DCAF1: variants seen among roughly 807,000 people sequenced by gnomAD.
The protein encoded by DCAF1 is DDB1 and CUL4 associated factor 1.
A neutral mutation model predicts 128.0 loss-of-function variants in DCAF1; 15 were observed. That is an observed-to-expected ratio of 0.12 (90% CI 0.08 to 0.18). The LOEUF (loss-of-function observed/expected upper bound fraction) is 0.18. DCAF1 is among the 10% of genes least tolerant of loss of function. The pLI, the probability that DCAF1 is intolerant of heterozygous loss-of-function variation, is 1.00. For missense variants in DCAF1, 988 were observed against 1,649.5 expected, an observed-to-expected ratio of 0.60 and a Z score of 6.95; for synonymous variants, 610 against 603.0, an observed-to-expected ratio of 1.01 and a Z score of -0.17.
At chr3:51,443,732 T>G in intron 7 of DCAF1, 34 bp downstream of exon 7, 1 of 1,560,762 alleles carries the variant, frequency 6.4e-7, no homozygotes, top group African/African-American at 1.4e-5. Flanking sequence ...ACTCTCCCAT[T>G]TTATATAAAA....
Position 51,455,815 on chromosome 3 carries a change from G to A in DCAF1, c.375+7299C>T, listed in dbSNP as rs897839060. On this transcript the variant is annotated intron_variant, in intron 6 of 24. Coordinates refer to ENST00000684031, the MANE Select transcript of DCAF1 (RefSeq NM_001387579.1). ...GGGAGGCTGAGGCAAAAGAATCACT[G>A]GAACCTGGGAGGCGGAAGTTGCAGT... Among the ~76,000 whole-genome samples, 5 of 152,004 alleles carry A rather than the reference G, an allele frequency of 3.3e-5. No individual in the cohort carries two copies. In the South Asian group the frequency reaches 8.3e-4, roughly 25 times the overall value.
At chr3:51,403,874 G>A (rs2089917047) in intron 23 of DCAF1, among the ~76,000 whole-genome samples, 1 of 152,184 alleles carries the variant, frequency 6.6e-6, no homozygotes, top group Non-Finnish European at 1.5e-5. Flanking sequence ...CAAGAATGTG[G>A]ATAAGCTCCT....
At chr3:51,479,818 A>G (rs1705939284) in intron 3 of DCAF1, among the ~76,000 whole-genome samples, 2 of 152,102 alleles carry the variant, frequency 1.3e-5, no homozygotes, top group African/African-American at 4.8e-5. Context: ...AAAATAAAAT[A>G]AAATTATAGT....
Position 51,429,477 on chromosome 3 carries a change from A to G in DCAF1, c.1468-7T>C, listed in dbSNP as rs782277490. Reference sequence around the variant, plus strand: ...GAATCTCCAAAGTACTGATCTATTAAGATGCAAAATATTGGGGCAAAAGAG... The same window carrying G: ...GAATCTCCAAAGTACTGATCTATTAGGATGCAAAATATTGGGGCAAAAGAG... On this transcript the variant is annotated splice_region_variant and splice_polypyrimidine_tract_variant and intron_variant, in intron 11 of 24. Transcript: ENST00000684031. 1.4e-5 allele frequency: 11 copies of G among 779,794 alleles called. No homozygotes were observed. Among genetic ancestry groups the G allele is most frequent in the Non-Finnish European group, 7.2e-6 (3 of 417,094 alleles). The allele number at this position is 779,794 out of a possible 1,614,324, so 48.3% of individuals were successfully genotyped here.
intron 18 of DCAF1, 121 bp from the exon 19 acceptor site, chr3:51,414,978 A>G: frequency 7.1e-7 from 1 of 1,399,328 alleles, no homozygotes; most frequent in Middle Eastern, 2.1e-4. Flanking sequence ...TGGATCAATG[A>G]TTACCACAGA....
chr3:51,496,807 G>A (rs995724787), intron 1 of DCAF1, among the ~76,000 whole-genome samples, 27 bp from the exon 2 acceptor site: 2 of 152,016 alleles, frequency 1.3e-5, no homozygotes, highest in African/African-American at 4.8e-5. Flanking sequence ...GTTGTTGTGC[G>A]GGGTTAAATG....
At chr3:51,482,099 G>A (rs1236366174) in intron 3 of DCAF1, among the ~76,000 whole-genome samples, 2 of 152,054 alleles carry the variant, frequency 1.3e-5, no homozygotes, top group African/African-American at 2.4e-5. Context: ...GAGACACACA[G>A]AAATGAGGAT....
At chr3:51,491,641 G>A (rs183763325) in intron 2 of DCAF1, among the ~76,000 whole-genome samples, 289 of 152,284 alleles carry the variant, frequency 1.9e-3, no homozygotes, top group Admixed American at 8.8e-3. Context: ...TTGAGCAGGA[G>A]TTCGAGACCA....
intron 23 of DCAF1, among the ~76,000 whole-genome samples, chr3:51,404,466 T>C (rs1158335980): frequency 6.6e-6 from 1 of 152,242 alleles, no homozygotes; most frequent in African/African-American, 2.4e-5. Context: ...GAAGGTGTTA[T>C]TGCCTGCCAA....
rs1700008496 is a variant in DCAF1 at position 51,427,546 on chromosome 3, A to T, written c.1678-5T>A. On this transcript the variant is annotated splice_region_variant and splice_polypyrimidine_tract_variant and intron_variant, in intron 12 of 24. Transcript: ENST00000684031. ...TTCATGAGTATATGAGCATGCCTAT[A>T]AGGAGAGATATATAGTATTATTATT... 3 of 696,790 alleles carry T rather than the reference A, an allele frequency of 4.3e-6. No individual in the cohort carries two copies. The highest frequency in any genetic ancestry group is 7.9e-6 in the Non-Finnish European group (3 of 378,104). The allele number at this position is 696,790 out of a possible 1,614,324, so 43.2% of individuals were successfully genotyped here. A position where few individuals can be genotyped will look rare whatever the true frequency, so the allele number is the denominator to read the frequency against.
At chr3:51,503,883 C>T (rs1363711009), upstream of DCAF1, among the ~76,000 whole-genome samples, 3 of 152,126 alleles carry the variant, frequency 2.0e-5, no homozygotes, top group African/African-American at 7.2e-5. Flanking sequence ...GATCAGTGGG[C>T]ACAGATAAAG....
chr3:51,441,889 T>G lies in DCAF1; in HGVS notation c.522A>C (p.Ile174=). 2 of 1,600,696 alleles carry G rather than the reference T, an allele frequency of 1.2e-6. No individual in the cohort carries two copies. The highest frequency in any genetic ancestry group is 1.7e-6 in the Non-Finnish European group (2 of 1,177,520). The part of the protein sequence containing the change: ...YRDENSQLVA[I]VLRRLRELQL... ...GTAGCTCCCTCAGTCTTCGAAGCAC[T>G]ATTGCCACCTATCAACAGATAATTG... Residue 174 remains isoleucine (I), a synonymous_variant, in exon 8 of 25, where the codon ATA becomes ATC. Coordinates refer to ENST00000684031, the MANE Select transcript of DCAF1 (RefSeq NM_001387579.1).
At chr3:51,433,845 C>T (rs1282763035) in intron 9 of DCAF1, among the ~76,000 whole-genome samples, 2 of 150,626 alleles carry the variant, frequency 1.3e-5, no homozygotes, top group Non-Finnish European at 3.0e-5. Flanking sequence ...CTTTGGGAGG[C>T]CAAGGTAGGC....
intron 3 of DCAF1, among the ~76,000 whole-genome samples, chr3:51,483,375 G>A (rs1553653759): frequency 2.0e-5 from 3 of 151,224 alleles, no homozygotes; most frequent in Non-Finnish European, 4.4e-5. Context: ...AGGAGACGGA[G>A]GTTGCAGTGA....
At chr3:51,489,176 G>C (rs1263666577) in intron 2 of DCAF1, among the ~76,000 whole-genome samples, 1 of 152,254 alleles carries the variant, frequency 6.6e-6, no homozygotes, top group African/African-American at 2.4e-5. Flanking sequence ...GCTCACACCT[G>C]TAATCCCGGC....
In DCAF1 at chr3:51,437,266, C is replaced by CAAAA. The variant is rs71633071; in HGVS notation, c.1128+3700_1128+3703dup. The CAAAA allele has an allele frequency of 3.9e-3, 984 of 254,810 alleles. 2 individuals are homozygous for CAAAA. Among genetic ancestry groups the CAAAA allele is most frequent in the African/African-American group, 6.1e-3 (128 of 20,832 alleles). The allele number at this position is 254,810 out of a possible 1,614,324, so 15.8% of individuals were successfully genotyped here. Reference sequence around the variant, plus strand: ...CCAGGTGACAGATAAGACTCCATGTCAAAAAAAAAAAAAAAAAAAAAAAAG... The same window carrying CAAAA: ...CCAGGTGACAGATAAGACTCCATGTCAAAAAAAAAAAAAAAAAAAAAAAAAAAAG... On this transcript the variant is annotated intron_variant, in intron 9 of 24. Transcript: ENST00000684031.
chr3:51,444,057 G>GTTA (rs1701612475), intron 6 of DCAF1, among the ~76,000 whole-genome samples, 154 bp from the exon 7 acceptor site: 1 of 152,058 alleles, frequency 6.6e-6, no homozygotes, highest in Non-Finnish European at 1.5e-5. Flanking sequence ...AGGTTCCTTA[G>GTTA]TTATATAAAG....
At chr3:51,454,039 C>T (rs1702624479) in intron 6 of DCAF1, among the ~76,000 whole-genome samples, 1 of 151,718 alleles carries the variant, frequency 6.6e-6, no homozygotes, top group Non-Finnish European at 1.5e-5. Flanking sequence ...TACATTACGT[C>T]TAAAACTTGA....
At chr3:51,497,762 G>T (rs1364265951) in intron 1 of DCAF1, among the ~76,000 whole-genome samples, 2 of 151,888 alleles carry the variant, frequency 1.3e-5, no homozygotes, top group East Asian at 3.9e-4. Context: ...CTGTGACTGC[G>T]GTCCTAGTTA....
Sources: allele counts gnomAD v4.1 joint callset (sites outside exome capture counted in the v4.1 genomes callset), GRCh38; gene constraint gnomAD v4.1.1; transcripts MANE v1.5; gene names NCBI Gene and HGNC (gene_info 2026-07-23, HGNC 2026-07-21).